SLC24A3: variants seen among roughly 807,000 people sequenced by gnomAD.
SLC24A3 encodes the protein solute carrier family 24 member 3.
A neutral mutation model predicts 75.8 loss-of-function variants in SLC24A3; 28 were observed. That is an observed-to-expected ratio of 0.37 (90% CI 0.27 to 0.51). The LOEUF is 0.51. Among genes scored for constraint, SLC24A3 ranks in the 20% least tolerant of loss-of-function variants. SLC24A3 has a pLI of 0.94. For synonymous variants in SLC24A3, 372 were observed against 334.1 expected (o/e 1.11, Z -1.24); for missense variants, 663 against 847.8 (o/e 0.78, Z 2.71).
At chr20:19,360,756 A>G (rs1054293256) in intron 2 of SLC24A3, among the ~76,000 whole-genome samples, 1 of 152,248 alleles carries the variant, frequency 6.6e-6, no homozygotes, top group Non-Finnish European at 1.5e-5. Flanking sequence ...CAACTCCAAA[A>G]GGTTGAGTGA....
chr20:19,696,286 T>C (rs1353523303), intron 13 of SLC24A3: 1 of 152,440 alleles, frequency 6.6e-6, no homozygotes, highest in Non-Finnish European at 1.5e-5. Flanking sequence ...CCCAGAGTGA[T>C]AGGATTACAG....
At chr20:19,476,178 G>C (rs1472685754) in intron 2 of SLC24A3, among the ~76,000 whole-genome samples, 1 of 152,180 alleles carries the variant, frequency 6.6e-6, no homozygotes, top group Admixed American at 6.5e-5. Flanking sequence ...GTTGCAGCTG[G>C]TTATATAAAT....
chr20:19,364,147 G>C (rs1395047123), intron 2 of SLC24A3, among the ~76,000 whole-genome samples: 1 of 152,176 alleles, frequency 6.6e-6, no homozygotes, highest in Non-Finnish European at 1.5e-5. Flanking sequence ...TTTCCAAGAG[G>C]AGATATCTGG....
intron 2 of SLC24A3, among the ~76,000 whole-genome samples, chr20:19,453,893 C>T (rs917850951): frequency 6.6e-6 from 1 of 152,200 alleles, no homozygotes; most frequent in African/African-American, 2.4e-5. Flanking sequence ...CCAGGCTGCC[C>T]AGGCTGCCTC....
rs139645063 is a variant in SLC24A3, at chr20:19,312,601, T to C, written c.271+31514T>C. The stretch of plus-strand genomic sequence containing the variant: ...TCCTATTCATTCACAAGTATATATA[T>C]AGGTTATTAATACACCAGTGAGATA... On this transcript the variant is annotated intron_variant, in intron 2 of 16. Coordinates refer to ENST00000328041, the MANE Select transcript of SLC24A3 (RefSeq NM_020689.4). Among the ~76,000 whole-genome samples the C allele has an allele frequency of 7.5e-3, 1,149 of 152,322 alleles. 12 individuals carry two copies. The highest frequency in any genetic ancestry group is 0.027 in the African/African-American group (1,107 of 41,568).
chr20:19,577,422 GA>G (rs1280064278), intron 3 of SLC24A3, among the ~76,000 whole-genome samples: 1 of 152,082 alleles, frequency 6.6e-6, no homozygotes, highest in African/African-American at 2.4e-5. Flanking sequence ...ATCTATCAAT[GA>G]GTTATTTTTG....
intron 1 of SLC24A3, among the ~76,000 whole-genome samples, chr20:19,265,058 C>G (rs1983122178): frequency 6.6e-6 from 1 of 152,160 alleles, no homozygotes; most frequent in Admixed American, 6.5e-5. Flanking sequence ...TTGGAAAACC[C>G]AAACCAGGAC....
intron 2 of SLC24A3, among the ~76,000 whole-genome samples, chr20:19,287,318 A>G (rs927177593): frequency 2.6e-5 from 4 of 152,348 alleles, no homozygotes; most frequent in East Asian, 1.9e-4. Context: ...TTTATGGACT[A>G]GATGCTCACC....
chr20:19,371,674 G>T (rs760764507), intron 2 of SLC24A3, among the ~76,000 whole-genome samples: 4 of 152,102 alleles, frequency 2.6e-5, no homozygotes, highest in Non-Finnish European at 4.4e-5. Context: ...TTTTTTAGTG[G>T]TATATTTCCC....
chr20:19,274,690 G>A (rs1008173764), intron 1 of SLC24A3, among the ~76,000 whole-genome samples: 11 of 152,178 alleles, frequency 7.2e-5, no homozygotes, highest in African/African-American at 2.4e-4. Flanking sequence ...ATCCACAGAG[G>A]GTGAGGACAC....
At chr20:19,481,683 T>C (rs1988056792) in intron 2 of SLC24A3, among the ~76,000 whole-genome samples, 1 of 151,952 alleles carries the variant, frequency 6.6e-6, no homozygotes, top group Non-Finnish European at 1.5e-5. Context: ...GGGGAAAGTG[T>C]CCAGGGGGAT....
chr20:19,531,917 C>CA (rs1342775395), intron 3 of SLC24A3, among the ~76,000 whole-genome samples: 1 of 152,188 alleles, frequency 6.6e-6, no homozygotes, highest in Admixed American at 6.5e-5. Flanking sequence ...GTTGCCCCCC[C>CA]ATGACAGAAG....
intron 2 of SLC24A3, among the ~76,000 whole-genome samples, chr20:19,506,333 C>T (rs1047503150): frequency 1.3e-5 from 2 of 152,196 alleles, no homozygotes; most frequent in African/African-American, 4.8e-5. Context: ...GTTGCATCTT[C>T]CTTCACAGAG....
chr20:19,609,156 T>C (rs1474809721), intron 6 of SLC24A3, among the ~76,000 whole-genome samples: 3 of 152,198 alleles, frequency 2.0e-5, no homozygotes, highest in African/African-American at 7.2e-5. Context: ...GATGAAACTC[T>C]TGAATGTTTT....
At chr20:19,361,500 G>C (rs1159794864) in intron 2 of SLC24A3, among the ~76,000 whole-genome samples, 1 of 152,150 alleles carries the variant, frequency 6.6e-6, no homozygotes. Context: ...GATTGACTAG[G>C]ACAAGCCCCA....
At chr20:19,244,576 G>A (rs541193952) in intron 1 of SLC24A3, among the ~76,000 whole-genome samples, 1 of 152,308 alleles carries the variant, frequency 6.6e-6, no homozygotes, top group East Asian at 1.9e-4. Context: ...GCTAGAGCGA[G>A]GTGAGGTGGG....
At chr20:19,216,246 G>C (rs1326840158) in intron 1 of SLC24A3, among the ~76,000 whole-genome samples, 2 of 152,002 alleles carry the variant, frequency 1.3e-5, no homozygotes, top group African/African-American at 4.8e-5. Context: ...TGTGTATTTT[G>C]AGTGGTTTAA....
At chr20:19,471,499 G>A (rs1600243247) in intron 2 of SLC24A3, among the ~76,000 whole-genome samples, 1 of 152,334 alleles carries the variant, frequency 6.6e-6, no homozygotes, top group East Asian at 1.9e-4. Flanking sequence ...GTGTTCAAGG[G>A]AGTGGGGGCA....
At chr20:19,604,426 C>T (rs1167154677) in intron 6 of SLC24A3, among the ~76,000 whole-genome samples, 1 of 152,164 alleles carries the variant, frequency 6.6e-6, no homozygotes, top group Non-Finnish European at 1.5e-5. Context: ...GTTAGGGGAA[C>T]AGAAAGAAGA....
Sources: allele counts gnomAD v4.1 joint callset (sites outside exome capture counted in the v4.1 genomes callset), GRCh38; gene constraint gnomAD v4.1.1; transcripts MANE v1.5; gene names NCBI Gene and HGNC (gene_info 2026-07-23, HGNC 2026-07-21).